COLQ: variants seen among roughly 807,000 people sequenced by gnomAD.
The protein encoded by COLQ is acetylcholinesterase collagenic tail peptide.
COLQ carries 48 observed loss-of-function variants against 69.0 expected under a neutral mutation model. The observed-to-expected ratio is 0.70, with a 90% confidence interval of 0.55 to 0.88. The LOEUF (loss-of-function observed/expected upper bound fraction) is 0.88. COLQ is among the 40% of genes least tolerant of loss of function. COLQ has a pLI of 0.00. For missense variants in COLQ, 618 were observed against 594.6 expected (o/e 1.04, Z -0.41); for synonymous variants, 217 against 211.2 (o/e 1.03, Z -0.24).
intron 10 of COLQ, among the ~76,000 whole-genome samples, chr3:15,471,540 A>G (rs879828951): frequency 1.8e-4 from 28 of 152,220 alleles, no homozygotes; most frequent in Admixed American, 1.8e-3. Flanking sequence ...AACAAGAAAA[A>G]TTTAGCAATA....
chr3:15,474,471 C>T (rs778053135), intron 8 of COLQ, among the ~76,000 whole-genome samples, 199 bp from the exon 9 acceptor site: 1 of 152,244 alleles, frequency 6.6e-6, no homozygotes, highest in Non-Finnish European at 1.5e-5. Flanking sequence ...CTCTTGCATT[C>T]ATAAAGGACA....
At chr3:15,483,000 A>G (rs961308601) in intron 3 of COLQ, among the ~76,000 whole-genome samples, 3 of 152,082 alleles carry the variant, frequency 2.0e-5, no homozygotes, top group Non-Finnish European at 2.9e-5. Context: ...ATTTGTGTAG[A>G]GGTGTTTATA....
chr3:15,478,393 C>T (rs2062418609), intron 5 of COLQ, among the ~76,000 whole-genome samples: 1 of 152,196 alleles, frequency 6.6e-6, no homozygotes, highest in Non-Finnish European at 1.5e-5. Context: ...GCACGCTTGT[C>T]TATAACCAAG....
chr3:15,466,576 A>T (rs2062204001), intron 11 of COLQ, 139 bp from the exon 12 acceptor site: 5 of 688,910 alleles, frequency 7.3e-6, no homozygotes, highest in African/African-American at 1.8e-5. Context: ...GGTCTTGACC[A>T]TCGAGCTCTT....
Position 15,456,795 on chromosome 3 carries a change from ATATTCACTCGGATT to A in COLQ, c.955-230_955-217del, listed in dbSNP as rs770986037. 3.6e-4 allele frequency among the ~76,000 whole-genome samples: 55 copies of A among 151,738 alleles called. 1 individual carries two copies. The highest frequency in any genetic ancestry group is 2.4e-3 in the Admixed American group (36 of 15,162). Reference sequence around the variant, plus strand: ...CCTAATGTCTGAGTTTGAAACTAAAATATTCACTCGGATTTAACTTTTTTTTCTTTTTTTCTTTT... The same window carrying A: ...CCTAATGTCTGAGTTTGAAACTAAAATAACTTTTTTTTCTTTTTTTCTTTT... On this transcript the variant is annotated intron_variant, in intron 13 of 16. Coordinates refer to ENST00000383788, the MANE Select transcript of COLQ (RefSeq NM_005677.4).
chr3:15,453,800 G>T lies in COLQ; in HGVS notation c.1298+29C>A, dbSNP rs763299098. 2.9e-6 allele frequency: 4 copies of T among 1,397,500 alleles called. No individual in the cohort carries two copies. In the South Asian group the frequency reaches 4.8e-5, roughly 17 times the overall value. 86.6% of individuals were successfully genotyped at this position (1,397,500 alleles called of 1,614,324 possible). A position where few individuals can be genotyped will look rare whatever the true frequency, so the allele number is the denominator to read the frequency against. ...AAGAGGAGGGAGGGAGAAAGAAGGG[G>T]GAGAGGGAGGGAGGGGAGTCATCCC... is the stretch of plus-strand genomic sequence containing the variant. On this transcript the variant is annotated intron_variant, in intron 16 of 16. Coordinates refer to ENST00000383788, the MANE Select transcript of COLQ (RefSeq NM_005677.4).
At chr3:15,456,288 G>A (rs1409515844) in intron 14 of COLQ, among the ~76,000 whole-genome samples, 172 bp downstream of exon 14, 3 of 152,148 alleles carry the variant, frequency 2.0e-5, no homozygotes, top group Non-Finnish European at 4.4e-5. Flanking sequence ...GAGTCAGGGT[G>A]GGGGAATGGA....
chr3:15,518,822 G>C (rs1226590223), intron 1 of COLQ, among the ~76,000 whole-genome samples: 2 of 152,138 alleles, frequency 1.3e-5, no homozygotes, highest in African/African-American at 4.8e-5. Context: ...ACTTGTCTCC[G>C]TGTCCCTTGA....
rs552962535 is a variant in COLQ at position 15,504,284 on chromosome 3, G to T, written c.107-14647C>A. Among the ~76,000 whole-genome samples the T allele has an allele frequency of 1.4e-4, 22 of 152,304 alleles. No homozygotes were observed. The South Asian group carries it at 4.3e-3, about 30-fold the overall frequency. The stretch of plus-strand genomic sequence containing the variant: ...GGTAACAAAGTACCACAGACTGAAT[G>T]GCTTAAACAACAGAGACTTGTTTCT... On this transcript the variant is annotated intron_variant, in intron 1 of 16. Coordinates refer to ENST00000383788, the MANE Select transcript of COLQ (RefSeq NM_005677.4).
rs1043344843 is a variant in COLQ, at chr3:15,456,006, T to C, written c.1088A>G (p.Tyr363Cys). Residue 363 changes from tyrosine to cysteine, a missense_variant, in exon 15 of 17, where the codon TAC (tyrosine) becomes TGC (cysteine). By Grantham distance (194) the Tyr-to-Cys change is radical. Coordinates refer to ENST00000383788, the MANE Select transcript of COLQ (RefSeq NM_005677.4). ...CTGGTCTGCAGTGTAATCCACAGGG[T>C]AGAAAGGGGTCAGCTGGCCAAAGAA... Reference protein sequence around the residue: ...GWLPIQLTPFYPVDYTADQHG... With the variant: ...GWLPIQLTPFCPVDYTADQHG... 3 of 1,613,304 alleles carry C rather than the reference T, an allele frequency of 1.9e-6. No individual in the cohort carries two copies. The African/African-American group carries it at 4.0e-5, about 22-fold the overall frequency.
At position 15,502,331 on chromosome 3, in the gene COLQ, G is replaced by A. The variant is rs571810753; in HGVS notation, c.107-12694C>T. 1.1e-3 allele frequency among the ~76,000 whole-genome samples: 170 copies of A among 151,984 alleles called. 1 individual carries two copies. Among genetic ancestry groups the A allele is most frequent in the African/African-American group, 3.8e-3 (157 of 41,454 alleles). On this transcript the variant is annotated intron_variant, in intron 1 of 16. Coordinates refer to ENST00000383788, the MANE Select transcript of COLQ (RefSeq NM_005677.4). ...GGGGTTTCACTGTGTTGGCCAGGCC[G>A]GTCTTGAACTCCTGACCTCAGGTGA... is the stretch of plus-strand genomic sequence containing the variant.
chr3:15,484,505 G>T (rs1239928470), intron 3 of COLQ, among the ~76,000 whole-genome samples: 1 of 152,190 alleles, frequency 6.6e-6, no homozygotes. Context: ...ATATCCTGAA[G>T]AGTGTTTTCC....
chr3:15,505,945 C>G (rs564864276), intron 1 of COLQ, among the ~76,000 whole-genome samples: 1 of 152,236 alleles, frequency 6.6e-6, no homozygotes, highest in South Asian at 2.1e-4. Flanking sequence ...CCTGCACCCC[C>G]CATCCCACCT....
chr3:15,466,969 C>T (rs2062209633), intron 11 of COLQ, among the ~76,000 whole-genome samples: 1 of 152,260 alleles, frequency 6.6e-6, no homozygotes. Context: ...CCCTTTGGCT[C>T]TCAGCTCAAA....
At chr3:15,513,087 T>C (rs949928282) in intron 1 of COLQ, among the ~76,000 whole-genome samples, 35 of 152,196 alleles carry the variant, frequency 2.3e-4, no homozygotes, top group Non-Finnish European at 1.5e-4. Flanking sequence ...TGTGACATTG[T>C]TGTGAAGATT....
At chr3:15,475,251 C>A (rs2062360006) in intron 7 of COLQ, 174 bp downstream of exon 7, 1 of 708,758 alleles carries the variant, frequency 1.4e-6, no homozygotes, top group Non-Finnish European at 2.4e-6. Flanking sequence ...ATCCCTATGC[C>A]CCTGCATCCC....
At chr3:15,471,623 C>T (rs2062289005) in intron 10 of COLQ, among the ~76,000 whole-genome samples, 1 of 152,194 alleles carries the variant, frequency 6.6e-6, no homozygotes. Context: ...ACAAAAAACA[C>T]CCAGGCACTT....
At chr3:15,461,855 G>C (rs907107620) in intron 12 of COLQ, among the ~76,000 whole-genome samples, 1 of 152,024 alleles carries the variant, frequency 6.6e-6, no homozygotes, top group African/African-American at 2.4e-5. Context: ...GCAAAACCTT[G>C]GATGTAGGTA....
chr3:15,460,269 G>A (rs1022928691), intron 12 of COLQ, among the ~76,000 whole-genome samples: 5 of 152,208 alleles, frequency 3.3e-5, no homozygotes, highest in Non-Finnish European at 5.9e-5. Context: ...TCGAATGAAT[G>A]AATGCCGACT....
Sources: allele counts gnomAD v4.1 joint callset (sites outside exome capture counted in the v4.1 genomes callset), GRCh38; gene constraint gnomAD v4.1.1; transcripts MANE v1.5; gene names NCBI Gene and HGNC (gene_info 2026-07-23, HGNC 2026-07-21).